TRPM2: variants seen among roughly 807,000 people sequenced by gnomAD.
The protein encoded by TRPM2 is transient receptor potential cation channel subfamily M member 2.
TRPM2 carries 161 observed loss-of-function variants against 174.0 expected under a neutral mutation model. The observed-to-expected ratio is 0.93, with a 90% CI of 0.81 to 1.05. The LOEUF is 1.05. Among genes scored for constraint, TRPM2 ranks in the 50% least tolerant of loss-of-function variants. The pLI is 0.00. For synonymous variants in TRPM2, 954 were observed against 861.3 expected (o/e 1.11, Z -1.88); for missense variants, 2,057 against 2,038.0 (o/e 1.01, Z -0.18).
At chr21:44,419,710 ATGG>A (rs1403932981) in intron 22 of TRPM2, among the ~76,000 whole-genome samples, 2 of 129,700 alleles carry the variant, frequency 1.5e-5, no homozygotes, top group African/African-American at 6.0e-5. Flanking sequence ...AGTGGTGGTG[ATGG>A]TGGTGGTGAT....
At chr21:44,382,249 G>A (rs1439776735) in intron 8 of TRPM2, among the ~76,000 whole-genome samples, 1 of 152,130 alleles carries the variant, frequency 6.6e-6, no homozygotes, top group African/African-American at 2.4e-5. Flanking sequence ...GATAGATTAT[G>A]TAGATAGATG....
In TRPM2 at chr21:44,413,918, G is replaced by A; in HGVS notation, c.2990G>A (p.Ser997Asn). Residue 997 changes from serine (S) to asparagine (N), a missense_variant, in exon 20 of 32, where the codon AGC (serine) becomes AAC (asparagine). Coordinates refer to ENST00000397928, the MANE Select transcript of TRPM2 (RefSeq NM_003307.4). The stretch of plus-strand genomic sequence containing the variant: ...GTGAACTTCAACCCGGAGCACTGCA[G>A]CCCCAATGGCACCGACCCCTACAAG... ...DGVNFNPEHC[S>N]PNGTDPYKPK... 4.3e-6 allele frequency: 7 copies of A among 1,613,768 alleles called. No homozygotes were observed. The highest frequency in any genetic ancestry group is 5.9e-6 in the Non-Finnish European group (7 of 1,179,856).
At position 44,426,075 on chromosome 21, in the gene TRPM2, C is replaced by T. The variant is rs532628606; in HGVS notation, c.3795+248C>T. The stretch of plus-strand genomic sequence containing the variant: ...GGGGCACACTGATCCCCACAGAGCT[C>T]GAGGCTTAGGCTCCTCCCATGACCA... On this transcript the variant is annotated intron_variant, in intron 25 of 31. Transcript: ENST00000397928. 4.6e-5 allele frequency among the ~76,000 whole-genome samples: 7 copies of T among 152,258 alleles called. No individual in the cohort carries two copies. In the South Asian group the frequency reaches 8.3e-4, roughly 18 times the overall value.
At chr21:44,389,523 G>A (rs1157885165) in intron 9 of TRPM2, among the ~76,000 whole-genome samples, 1 of 152,182 alleles carries the variant, frequency 6.6e-6, no homozygotes, top group Non-Finnish European at 1.5e-5. Context: ...GGCAGTGGAT[G>A]AGCGTTACCC....
Position 44,406,046 on chromosome 21 carries a change from GC to G in TRPM2, c.2790+10del, listed in dbSNP as rs766010547. 1 of 1,603,948 alleles carries G rather than the reference GC, an allele frequency of 6.2e-7. No homozygotes were observed. The highest frequency in any genetic ancestry group is 8.5e-7 in the Non-Finnish European group (1 of 1,179,508). ...TCATTGTGAAGCGGATGGTAAGGGG[GC>G]GGGGGCACCGGCTCCATCGCGGCCT... On this transcript the variant is annotated intron_variant, in intron 18 of 31. Transcript: ENST00000397928.
chr21:44,375,576 C>T (rs939042212), intron 5 of TRPM2, among the ~76,000 whole-genome samples: 3 of 152,204 alleles, frequency 2.0e-5, no homozygotes, highest in African/African-American at 7.2e-5. Flanking sequence ...TGTGGTCCCT[C>T]GGCCTCCTCT....
intron 5 of TRPM2, among the ~76,000 whole-genome samples, chr21:44,372,988 C>T (rs188191150): frequency 6.6e-6 from 1 of 152,168 alleles, no homozygotes; most frequent in African/African-American, 2.4e-5. Context: ...GTTGATATAA[C>T]ATTTGTGAAA....
Position 44,406,601 on chromosome 21 carries a change from ACGT to A in TRPM2, c.2800_2802del (p.Val934del). The A allele has an allele frequency of 6.2e-7, 1 of 1,609,286 alleles. No homozygotes were observed. The highest frequency in any genetic ancestry group is 8.5e-7 in the Non-Finnish European group (1 of 1,179,278). On this transcript the variant is annotated inframe_deletion, in exon 19 of 32. Transcript: ENST00000397928. ...ACACTCTCTGTCCTGCAGATGAAGG[ACGT>A]CTTCTTCTTCCTCTTCCTGCTGGCT...
intron 16 of TRPM2, among the ~76,000 whole-genome samples, chr21:44,403,859 C>T (rs1199897073): frequency 6.6e-6 from 1 of 151,114 alleles, no homozygotes; most frequent in African/African-American, 2.4e-5. Flanking sequence ...TGTGCATACA[C>T]ACAAATATAC....
At chr21:44,418,687 C>A in intron 22 of TRPM2, 132 bp downstream of exon 22, 3 of 1,194,812 alleles carry the variant, frequency 2.5e-6, no homozygotes, top group Non-Finnish European at 3.6e-6. Context: ...CGCTGTATCC[C>A]GTGGCCCCTG....
chr21:44,435,827 A>G (rs535248424), intron 28 of TRPM2, among the ~76,000 whole-genome samples: 23 of 142,068 alleles, frequency 1.6e-4, no homozygotes, highest in African/African-American at 5.3e-4. Flanking sequence ...ATCCACGGGG[A>G]CACAGCCCCA....
rs149972758 is a variant in TRPM2, at chr21:44,410,221, A to G, written c.2962+3456A>G. Among the ~76,000 whole-genome samples, 155 of 24,798 alleles carry G rather than the reference A, an allele frequency of 6.3e-3. 20 individuals are homozygous for G. Among genetic ancestry groups the G allele is most frequent in the East Asian group, 0.017 (11 of 648 alleles). 16.3% of individuals were successfully genotyped at this position (24,798 alleles called of 152,430 possible). A position where few individuals can be genotyped will look rare whatever the true frequency, so the allele number is the denominator to read the frequency against. On this transcript the variant is annotated intron_variant, in intron 19 of 31. Transcript: ENST00000397928. Reference sequence around the variant, plus strand: ...TAGCCTTGTAGTAAGTTTTGACCGCACTGTCTTGGTTGGCGTAGCCTTGTA... The same window carrying G: ...TAGCCTTGTAGTAAGTTTTGACCGCGCTGTCTTGGTTGGCGTAGCCTTGTA...
In TRPM2 at chr21:44,395,484, T is replaced by A. The variant is rs1298059213; in HGVS notation, c.1865T>A (p.Ile622Asn). ...CATGTGACCTTCACCATGGACCCCATCCGTGACCTTCTCATTTGGGCCATT... is the reference window on the plus strand; with the variant it reads ...CATGTGACCTTCACCATGGACCCCAACCGTGACCTTCTCATTTGGGCCATT... ...SGHVTFTMDPIRDLLIWAIVQ... is the reference protein window; with the variant it reads ...SGHVTFTMDPNRDLLIWAIVQ... The change falls in exon 12 of 32, where the codon ATC (isoleucine) becomes AAC (asparagine). Residue 622 changes from isoleucine (I) to asparagine (N), a missense_variant. Coordinates refer to ENST00000397928, the MANE Select transcript of TRPM2 (RefSeq NM_003307.4). The A allele has an allele frequency of 1.2e-6, 2 of 1,613,034 alleles. No homozygotes were observed. The highest frequency in any genetic ancestry group is 2.2e-5 in the South Asian group (2 of 91,080).
intron 22 of TRPM2, among the ~76,000 whole-genome samples, chr21:44,419,582 G>A (rs79333578): frequency 0.055 from 15 of 272 alleles, no homozygotes; most frequent in Non-Finnish European, 0.098. Context: ...GGTGATGGTA[G>A]TGGTGGTAGT....
chr21:44,353,861 A>G lies in TRPM2; in HGVS notation c.161A>G (p.Asp54Gly), dbSNP rs1286833199. 3.1e-6 allele frequency: 5 copies of G among 1,597,884 alleles called. No individual in the cohort carries two copies. The Admixed American group carries it at 5.2e-5, about 17-fold the overall frequency. ...WRLQCPFGNN[D>G]KQESLSSWIP... ...CTACAGTGCCCCTTCGGCAACAATG[A>G]CAAGGTAGGCTTTCTGCTGGTCAGC... The change falls in exon 1 of 32, where the codon GAC (aspartate) becomes GGC (glycine). Residue 54 changes from aspartate to glycine, a missense_variant. Physicochemically the swap from Asp to Gly is moderately conservative, Grantham distance 94. Transcript: ENST00000397928.
At chr21:44,441,608 G>A in intron 31 of TRPM2, 84 bp from the exon 32 acceptor site, 2 of 1,476,228 alleles carry the variant, frequency 1.4e-6, no homozygotes, top group South Asian at 2.9e-5. Context: ...CAGGCCCCAA[G>A]CCCTCGAAGG....
At chr21:44,412,843 T>C (rs2050147928) in intron 19 of TRPM2, among the ~76,000 whole-genome samples, 2 of 152,240 alleles carry the variant, frequency 1.3e-5, no homozygotes, top group Middle Eastern at 3.4e-3. Flanking sequence ...TTTATTAATA[T>C]AGGAATTTAT....
In TRPM2 at chr21:44,418,556, G is replaced by A; in HGVS notation, c.3461+1G>A. 12 of 1,613,938 alleles carry A rather than the reference G, an allele frequency of 7.4e-6. No individual in the cohort carries two copies. The highest frequency in any genetic ancestry group is 1.0e-5 in the Non-Finnish European group (12 of 1,179,904). On this transcript the variant is annotated splice_donor_variant, in intron 22 of 31. Transcript: ENST00000397928. LOFTEE classifies it high-confidence loss of function. The stretch of plus-strand genomic sequence containing the variant: ...AGAAGATCGAGGACATCAGCAATAA[G>A]TATGGGGGCTCCGGTGGGCCTGGGG...
intron 16 of TRPM2, among the ~76,000 whole-genome samples, chr21:44,404,270 G>A (rs1397983632): frequency 6.7e-6 from 1 of 150,082 alleles, no homozygotes; most frequent in African/African-American, 2.5e-5. Flanking sequence ...CACAATACAT[G>A]CAAATGTATG....
Sources: allele counts gnomAD v4.1 joint callset (sites outside exome capture counted in the v4.1 genomes callset), GRCh38; gene constraint gnomAD v4.1.1; transcripts MANE v1.5; gene names NCBI Gene and HGNC (gene_info 2026-07-23, HGNC 2026-07-21).